Variants in NXN observed in about 807,000 individuals in gnomAD.
The protein encoded by NXN is nucleoredoxin 1.
In NXN, 16 loss-of-function variants were observed where a neutral mutation model predicts 48.6. The observed-to-expected ratio is 0.33, with a 90% CI of 0.22 to 0.50. The LOEUF (loss-of-function observed/expected upper bound fraction) is 0.50, where lower values mean the gene tolerates loss of function less well. Among genes scored for constraint, NXN ranks in the 20% least tolerant of loss-of-function variants. The pLI, the probability that NXN is intolerant of heterozygous loss-of-function variation, is 0.98. For missense variants in NXN, 492 were observed against 605.5 expected (o/e 0.81, Z 1.97); for synonymous variants, 281 against 269.6 (o/e 1.04, Z -0.41).
rs555646078 is a variant in NXN, at chr17:882,686, C to T, written c.361-56608G>A. On this transcript the variant is annotated intron_variant, in intron 1 of 7. Coordinates refer to ENST00000336868, the MANE Select transcript of NXN (RefSeq NM_022463.5). Reference sequence around the variant, plus strand: ...TTCACCGTGTTAGCCAGGATGGTCTCGATCTCCTGACCTCGTGATCTGCCT... The same window carrying T: ...TTCACCGTGTTAGCCAGGATGGTCTTGATCTCCTGACCTCGTGATCTGCCT... Among the ~76,000 whole-genome samples the T allele has an allele frequency of 1.1e-4, 16 of 151,908 alleles. No homozygotes were observed. In the South Asian group the frequency reaches 3.3e-3, roughly 32 times the overall value.
intron 1 of NXN, among the ~76,000 whole-genome samples, chr17:841,206 T>A (rs1275438613): frequency 6.6e-6 from 1 of 152,210 alleles, no homozygotes; most frequent in Non-Finnish European, 1.5e-5. Flanking sequence ...TGAATACTTC[T>A]CATGTGGGCC....
At chr17:898,085 G>A (rs533913044) in intron 1 of NXN, among the ~76,000 whole-genome samples, 1 of 152,176 alleles carries the variant, frequency 6.6e-6, no homozygotes, top group Non-Finnish European at 1.5e-5. Flanking sequence ...CCCACCTACT[G>A]CTGTGCCTTT....
intron 5 of NXN, among the ~76,000 whole-genome samples, chr17:810,429 T>G (rs66796300): frequency 0.25 from 38,503 of 152,054 alleles, 5,144 homozygotes; most frequent in East Asian, 0.37. Context: ...TTACGTTTTC[T>G]TTAACGGCAG....
chr17:950,820 C>T (rs1029836426), intron 1 of NXN, among the ~76,000 whole-genome samples: 1 of 151,610 alleles, frequency 6.6e-6, no homozygotes. Context: ...AAGAGTCGGA[C>T]GAAATGGCGA....
intron 1 of NXN, among the ~76,000 whole-genome samples, chr17:977,347 A>T (rs1425650892): frequency 6.6e-6 from 1 of 152,228 alleles, no homozygotes; most frequent in African/African-American, 2.4e-5. Flanking sequence ...CGGTATTTTC[A>T]AATGAGAGTC....
At chr17:865,245 T>G (rs1597675060) in intron 1 of NXN, among the ~76,000 whole-genome samples, 2 of 31,016 alleles carry the variant, frequency 6.4e-5, no homozygotes, top group Non-Finnish European at 1.1e-4. Context: ...AAAGCTGGAG[T>G]TACACTTTTT....
At chr17:961,264 C>T (rs967021687) in intron 1 of NXN, among the ~76,000 whole-genome samples, 3 of 151,780 alleles carry the variant, frequency 2.0e-5, no homozygotes, top group African/African-American at 4.8e-5. Flanking sequence ...TGTGGTGGCG[C>T]GTGCCTGCCA....
intron 1 of NXN, among the ~76,000 whole-genome samples, chr17:841,638 A>C (rs62067132): frequency 0.082 from 1,715 of 20,944 alleles, 100 homozygotes; most frequent in African/African-American, 0.13. Context: ...AAGCAGGTCC[A>C]CCCTGACCAC....
intron 1 of NXN, among the ~76,000 whole-genome samples, chr17:852,134 C>T (rs1366200216): frequency 6.6e-6 from 1 of 152,236 alleles, no homozygotes. Context: ...TCCCTGCATG[C>T]CGGCCAAGGC....
At chr17:822,165 G>A (rs547595249) in intron 4 of NXN, among the ~76,000 whole-genome samples, 192 bp downstream of exon 4, 1 of 152,102 alleles carries the variant, frequency 6.6e-6, no homozygotes, top group African/African-American at 2.4e-5. Context: ...TGTAATTCCA[G>A]CTACTCAGGA....
At chr17:861,862 C>T (rs1457972069) in intron 1 of NXN, among the ~76,000 whole-genome samples, 3 of 150,448 alleles carry the variant, frequency 2.0e-5, no homozygotes, top group Non-Finnish European at 4.4e-5. Flanking sequence ...GACAGTCTTG[C>T]TCTGTCGCCC....
At chr17:951,838 G>C (rs1445490896) in intron 1 of NXN, among the ~76,000 whole-genome samples, 1 of 152,138 alleles carries the variant, frequency 6.6e-6, no homozygotes, top group Non-Finnish European at 1.5e-5. Flanking sequence ...GAGGACGGGA[G>C]GCAGGAAAGC....
In NXN at chr17:835,764, C is replaced by A. The variant is rs1027948968; in HGVS notation, c.361-9686G>T. ...GGGATTCGTCAGCCCCCACAGAGGC[C>A]GCAGGGGAAAAACACCGGTGGGATT... On this transcript the variant is annotated intron_variant, in intron 1 of 7. Transcript: ENST00000336868. Among the ~76,000 whole-genome samples the A allele has an allele frequency of 1.4e-4, 10 of 69,652 alleles. No individual in the cohort carries two copies. The East Asian group carries it at 3.2e-3, about 23-fold the overall frequency. The allele number at this position is 69,652 out of a possible 152,430, so 45.7% of individuals were successfully genotyped here. A position where few individuals can be genotyped will look rare whatever the true frequency, so the allele number is the denominator to read the frequency against.
chr17:956,418 A>T lies in NXN; in HGVS notation c.360+22901T>A, dbSNP rs2069169165. ...ACTATGTTCAGGGCTTTTTATTTTT[A>T]TTTATTTATTTTGAGACAGAGATTC... On this transcript the variant is annotated intron_variant, in intron 1 of 7. Transcript: ENST00000336868. This position sits in a 1 kb window ranked among gnomAD's most constrained non-coding sequence, Gnocchi z 4.1. Among the ~76,000 whole-genome samples the T allele has an allele frequency of 6.6e-6, 1 of 151,498 alleles. No homozygotes were observed. Among genetic ancestry groups the T allele is most frequent in the African/African-American group, 2.4e-5 (1 of 41,202 alleles).
At chr17:891,585 AG>A (rs2068416976) in intron 1 of NXN, among the ~76,000 whole-genome samples, 1 of 152,238 alleles carries the variant, frequency 6.6e-6, no homozygotes, top group African/African-American at 2.4e-5. Context: ...TGAGGCAGTG[AG>A]AGGCTATGAT....
intron 5 of NXN, among the ~76,000 whole-genome samples, chr17:815,531 G>A (rs1383022674): frequency 7.5e-6 from 1 of 133,662 alleles, no homozygotes; most frequent in Non-Finnish European, 1.6e-5. Context: ...AGATCCCTAA[G>A]CTCTGTAGGT....
intron 1 of NXN, among the ~76,000 whole-genome samples, chr17:951,590 G>A (rs947615425): frequency 6.6e-6 from 1 of 151,728 alleles, no homozygotes; most frequent in Admixed American, 6.6e-5. Context: ...GGGCGGGAGG[G>A]TCTGTCAGCT....
intron 1 of NXN, chr17:880,205 C>T (rs570685894): frequency 3.3e-5 from 5 of 152,152 alleles, no homozygotes; most frequent in Admixed American, 6.5e-5. Context: ...AACACCCACC[C>T]TTGGGCGAAT....
chr17:957,503 A>G (rs536079127), intron 1 of NXN, among the ~76,000 whole-genome samples: 60 of 151,694 alleles, frequency 4.0e-4, no homozygotes, highest in Admixed American at 2.0e-3. Context: ...GTGGTGGTGC[A>G]CGCCTGTAGT....
Sources: allele counts gnomAD v4.1 joint callset (sites outside exome capture counted in the v4.1 genomes callset), GRCh38; gene constraint gnomAD v4.1.1; non-coding constraint Gnocchi (gnomAD v3.1); transcripts MANE v1.5; gene names NCBI Gene and HGNC (gene_info 2026-07-23, HGNC 2026-07-21).